Variants in MMS22L observed in about 807,000 individuals in gnomAD.
MMS22L encodes the protein MMS22 like, DNA repair protein.
MMS22L carries 74 observed loss-of-function variants against 159.1 expected under a neutral mutation model. That is an observed-to-expected ratio of 0.47 (90% CI 0.39 to 0.56). The LOEUF (loss-of-function observed/expected upper bound fraction) is 0.56. Ranked by LOEUF, MMS22L falls within the 20% of genes least tolerant of loss-of-function variation. The pLI is 0.00. For synonymous variants in MMS22L, 517 were observed against 506.9 expected (o/e 1.02, Z -0.27); for missense variants, 1,351 against 1,422.1 (o/e 0.95, Z 0.80).
intron 18 of MMS22L, among the ~76,000 whole-genome samples, chr6:97,174,286 A>G (rs1256030825): frequency 7.9e-5 from 12 of 151,868 alleles, no homozygotes; most frequent in Admixed American, 7.9e-4. Flanking sequence ...ATAAAAAGAA[A>G]GTTTAAGTAA....
intron 3 of MMS22L, among the ~76,000 whole-genome samples, chr6:97,279,670 C>T (rs1057501117): frequency 6.6e-6 from 1 of 151,282 alleles, no homozygotes; most frequent in Admixed American, 6.6e-5. Flanking sequence ...CCCTGTAATC[C>T]GAGCTACTCG....
At chr6:97,198,165 A>G (rs1806744361) in intron 14 of MMS22L, among the ~76,000 whole-genome samples, 1 of 152,128 alleles carries the variant, frequency 6.6e-6, no homozygotes. Flanking sequence ...AGGAAGTCCA[A>G]TGACCCTGAG....
chr6:97,187,985 A>G (rs1050045647), intron 14 of MMS22L, among the ~76,000 whole-genome samples: 3 of 152,232 alleles, frequency 2.0e-5, no homozygotes, highest in Admixed American at 6.5e-5. Context: ...GGCTGGGGAA[A>G]GAGTATACAG....
chr6:97,250,401 A>T (rs1813122650), intron 10 of MMS22L, among the ~76,000 whole-genome samples: 1 of 152,192 alleles, frequency 6.6e-6, no homozygotes, highest in Admixed American at 6.5e-5. Flanking sequence ...CGATTCAAAG[A>T]CGAGCATCAG....
chr6:97,217,382 T>G (rs886079184), intron 14 of MMS22L, among the ~76,000 whole-genome samples: 7 of 152,000 alleles, frequency 4.6e-5, no homozygotes, highest in African/African-American at 1.7e-4. Context: ...AGCCCTTGAG[T>G]AGCTGGGATT....
chr6:97,247,430 G>T (rs767189452), intron 10 of MMS22L, among the ~76,000 whole-genome samples: 12 of 152,060 alleles, frequency 7.9e-5, no homozygotes, highest in Non-Finnish European at 1.6e-4. Context: ...GAAAAAAACG[G>T]TATAAAAAGT....
chr6:97,150,009 T>C lies in MMS22L; in HGVS notation c.3494A>G (p.Gln1165Arg), dbSNP rs1341883839. 6.2e-7 allele frequency: 1 copy of C among 1,612,772 alleles called. No homozygotes were observed. Among genetic ancestry groups the C allele is most frequent in the East Asian group, 2.2e-5 (1 of 44,822 alleles). Reference protein sequence around the residue: ...QLTSVFRQFIQDYGMRYYYQV... With the variant: ...QLTSVFRQFIRDYGMRYYYQV... ...GTAATAGTACCTCATACCATAATCC[T>C]GGATAAACTGCCTGAAAGTAAAACA... The change falls in exon 24 of 25, where the codon CAG (glutamine) becomes CGG (arginine). Residue 1165 changes from glutamine to arginine, a missense_variant. Gln to Arg is a conservative substitution (Grantham distance 43). Transcript: ENST00000683635.
chr6:97,150,632 T>G (rs916217883), intron 23 of MMS22L, among the ~76,000 whole-genome samples: 1 of 152,112 alleles, frequency 6.6e-6, no homozygotes, highest in Non-Finnish European at 1.5e-5. Flanking sequence ...TCATAGAAAA[T>G]CCTTTTCTCC....
chr6:97,178,058 G>A lies in MMS22L; in HGVS notation c.2679+385C>T, dbSNP rs1053363561. On this transcript the variant is annotated intron_variant, in intron 18 of 24. Coordinates refer to ENST00000683635, the MANE Select transcript of MMS22L (RefSeq NM_001350599.2). ...GATGGTGCTTATGCCTACACTGTTCGCTACAGGGTGATAAACACTAAGGTG... is the reference window on the plus strand; with the variant it reads ...GATGGTGCTTATGCCTACACTGTTCACTACAGGGTGATAAACACTAAGGTG... Among the ~76,000 whole-genome samples the A allele has an allele frequency of 2.6e-5, 4 of 152,174 alleles. No individual in the cohort carries two copies. In the East Asian group the frequency reaches 5.8e-4, roughly 22 times the overall value.
intron 19 of MMS22L, among the ~76,000 whole-genome samples, chr6:97,172,531 C>T (rs912604334): frequency 6.6e-6 from 1 of 152,086 alleles, no homozygotes; most frequent in Non-Finnish European, 1.5e-5. Flanking sequence ...TCACTGACTT[C>T]CTAAAGAAAG....
intron 14 of MMS22L, among the ~76,000 whole-genome samples, chr6:97,199,727 A>C (rs1378707992): frequency 6.6e-6 from 1 of 151,752 alleles, no homozygotes. Flanking sequence ...GGATTTCAAA[A>C]CTCAGTCAAG....
intron 14 of MMS22L, among the ~76,000 whole-genome samples, chr6:97,218,298 ACTG>A (rs1809251237): frequency 2.0e-5 from 3 of 152,192 alleles, no homozygotes; most frequent in Non-Finnish European, 4.4e-5. Flanking sequence ...CCATATCCTG[ACTG>A]CATGGATACT....
chr6:97,242,704 G>A (rs1459795990), intron 11 of MMS22L, among the ~76,000 whole-genome samples: 3 of 152,010 alleles, frequency 2.0e-5, no homozygotes, highest in Admixed American at 6.6e-5. Context: ...GCTTTAAAGA[G>A]GTTTGTTTGG....
rs556996400 is a variant in MMS22L at position 97,237,158 on chromosome 6, C to T, written c.1183-3178G>A. 2.2e-3 allele frequency among the ~76,000 whole-genome samples: 334 copies of T among 152,060 alleles called. 1 individual carries two copies. The highest frequency in any genetic ancestry group is 6.8e-3 in the Middle Eastern group (2 of 294). ...AAAGTGAAAAGCTGTAGAGTATAAC[C>T]ATGGGAGGAGGTAGATAAGGCAAGT... On this transcript the variant is annotated intron_variant, in intron 11 of 24. Coordinates refer to ENST00000683635, the MANE Select transcript of MMS22L (RefSeq NM_001350599.2).
intron 14 of MMS22L, among the ~76,000 whole-genome samples, chr6:97,210,760 G>A (rs1808283061): frequency 6.6e-6 from 1 of 151,806 alleles, no homozygotes; most frequent in African/African-American, 2.4e-5. Flanking sequence ...GGGAAACAAG[G>A]GATATTTTGG....
intron 24 of MMS22L, 51 bp downstream of exon 24, chr6:97,149,801 AT>A (rs898195838): frequency 2.7e-6 from 4 of 1,457,702 alleles, no homozygotes; most frequent in Non-Finnish European, 3.7e-6. Context: ...AAAATGAAAT[AT>A]AAATTTTATA....
Position 97,168,031 on chromosome 6 carries a change from AT to A in MMS22L, c.3009+39del, listed in dbSNP as rs200684540. 4.4e-3 allele frequency: 5,958 copies of A among 1,359,814 alleles called. 4 individuals carry two copies. Among genetic ancestry groups the A allele is most frequent in the East Asian group, 0.013 (488 of 38,692 alleles). 84.2% of individuals were successfully genotyped at this position (1,359,814 alleles called of 1,614,324 possible). A position where few individuals can be genotyped will look rare whatever the true frequency, so the allele number is the denominator to read the frequency against. The stretch of plus-strand genomic sequence containing the variant: ...TATGTTTTTAAGGCAAAGTTTCAAT[AT>A]TTTTTTTTTAAACTTTTAAGCAACC... On this transcript the variant is annotated intron_variant, in intron 20 of 24. Coordinates refer to ENST00000683635, the MANE Select transcript of MMS22L (RefSeq NM_001350599.2).
At chr6:97,187,538 A>G (rs1328254883) in intron 14 of MMS22L, among the ~76,000 whole-genome samples, 3 of 152,200 alleles carry the variant, frequency 2.0e-5, no homozygotes, top group African/African-American at 7.2e-5. Flanking sequence ...TGCCAGATCA[A>G]CTGAGTAGAC....
intron 8 of MMS22L, chr6:97,265,783 G>T (rs965456986): frequency 1.3e-5 from 2 of 150,610 alleles, no homozygotes; most frequent in Admixed American, 6.6e-5. Flanking sequence ...GCACAATATC[G>T]CAATATTGGC....
Sources: gnomAD v4.1 joint callset for allele counts (sites outside exome capture counted in the v4.1 genomes callset) on GRCh38, gnomAD v4.1.1 for gene constraint, MANE v1.5 for transcripts, NCBI Gene and HGNC (gene_info 2026-07-23, HGNC 2026-07-21) for gene names.